The following LPP variants were observed in gnomAD, a reference collection of about 807,000 sequenced individuals.
LPP encodes lipoma-preferred partner.
LPP carries 38 observed loss-of-function variants against 60.4 expected under a neutral mutation model. That is an observed-to-expected ratio of 0.63 (90% CI 0.49 to 0.83). The LOEUF (loss-of-function observed/expected upper bound fraction) is 0.83, where lower values mean the gene tolerates loss of function less well. LPP is among the 40% of genes least tolerant of loss of function. The pLI, the probability that LPP is intolerant of heterozygous loss-of-function variation, is 0.00. For missense variants in LPP, 902 were observed against 783.6 expected (o/e 1.15, Z -1.80); for synonymous variants, 328 against 290.8 (o/e 1.13, Z -1.30).
chr3:188,312,642 T>C (rs1753815617), intron 2 of LPP, among the ~76,000 whole-genome samples: 1 of 152,228 alleles, frequency 6.6e-6, no homozygotes, highest in Admixed American at 6.5e-5. Flanking sequence ...AATGTGAGGT[T>C]AGGATTTATT....
At chr3:188,393,406 C>T (rs919350066) in intron 3 of LPP, among the ~76,000 whole-genome samples, 28 of 152,060 alleles carry the variant, frequency 1.8e-4, no homozygotes, top group African/African-American at 4.1e-4. Flanking sequence ...CTCTTATCCA[C>T]GCCAGTAATG....
chr3:188,450,813 G>A (rs564523841), intron 4 of LPP, among the ~76,000 whole-genome samples: 1 of 152,082 alleles, frequency 6.6e-6, no homozygotes, highest in African/African-American at 2.4e-5. Flanking sequence ...ATACTGTAGA[G>A]TCTTCCAGAG....
Position 188,696,245 on chromosome 3 carries a change from C to T in LPP, c.1114-12022C>T, listed in dbSNP as rs189418651. Among the ~76,000 whole-genome samples, 990 of 152,176 alleles carry T rather than the reference C, an allele frequency of 6.5e-3. 9 individuals carry two copies. The highest frequency in any genetic ancestry group is 0.023 in the African/African-American group (963 of 41,548). On this transcript the variant is annotated intron_variant, in intron 7 of 11. Transcript: ENST00000617246. The stretch of plus-strand genomic sequence containing the variant: ...GTACTCTCTCTCTCTCTCTCTCTGT[C>T]TCTCTTAATCTGTATCATCCATTGA...
intron 5 of LPP, among the ~76,000 whole-genome samples, chr3:188,489,270 A>C (rs1807594596): frequency 6.6e-6 from 1 of 152,146 alleles, no homozygotes; most frequent in South Asian, 2.1e-4. Flanking sequence ...TTTTATGGTA[A>C]ATTATGCTTT....
intron 7 of LPP, among the ~76,000 whole-genome samples, chr3:188,702,723 T>C (rs533705954): frequency 2.0e-5 from 3 of 152,344 alleles, no homozygotes; most frequent in Admixed American, 6.5e-5. Flanking sequence ...TGATTAAGAT[T>C]GATACTTACA....
chr3:188,454,385 G>A (rs2149374751), intron 4 of LPP, among the ~76,000 whole-genome samples: 1 of 152,274 alleles, frequency 6.6e-6, no homozygotes. Context: ...ATTTCTATAG[G>A]TTTTAGGATT....
chr3:188,584,000 C>T lies in LPP; in HGVS notation c.430-25161C>T, dbSNP rs921484475. Among the ~76,000 whole-genome samples the T allele has an allele frequency of 2.0e-5, 3 of 152,232 alleles. No homozygotes were observed. In the South Asian group the frequency reaches 6.2e-4, roughly 32 times the overall value. On this transcript the variant is annotated intron_variant, in intron 6 of 11. Coordinates refer to ENST00000617246, the MANE Select transcript of LPP (RefSeq NM_001375462.1). ...AGCAAAGCAACATTTCTATCCCTGCCCCCTGCTCCCCCATAATCCTACAAA... is the reference window on the plus strand; with the variant it reads ...AGCAAAGCAACATTTCTATCCCTGCTCCCTGCTCCCCCATAATCCTACAAA...
At chr3:188,703,883 G>C (rs185301444) in intron 7 of LPP, among the ~76,000 whole-genome samples, 2 of 152,250 alleles carry the variant, frequency 1.3e-5, no homozygotes, top group African/African-American at 4.8e-5. Flanking sequence ...GATTTATAAA[G>C]GACAGGATCG....
intron 4 of LPP, among the ~76,000 whole-genome samples, chr3:188,462,231 CATT>C (rs966316188): frequency 6.6e-6 from 1 of 150,930 alleles, no homozygotes; most frequent in African/African-American, 2.4e-5. Flanking sequence ...TTAAAATAGA[CATT>C]ATTATTATTA....
intron 2 of LPP, among the ~76,000 whole-genome samples, chr3:188,279,792 G>T (rs779677018): frequency 1.6e-4 from 24 of 152,170 alleles, no homozygotes; most frequent in Non-Finnish European, 7.3e-5. Context: ...AAGTCTAGTT[G>T]TCCTGGCAAC....
intron 9 of LPP, among the ~76,000 whole-genome samples, chr3:188,860,910 A>G (rs1380736541): frequency 6.6e-6 from 1 of 152,208 alleles, no homozygotes; most frequent in Non-Finnish European, 1.5e-5. Flanking sequence ...CTACCGATAT[A>G]CAGATTCCAT....
In LPP at chr3:188,473,784, C is replaced by T. The variant is rs183521913; in HGVS notation, c.194-10808C>T. ...TCTCTTTATACTCTTAAGGGATATACATATACTGGGTAAGGCTTATCAACA... is the reference window on the plus strand; with the variant it reads ...TCTCTTTATACTCTTAAGGGATATATATATACTGGGTAAGGCTTATCAACA... On this transcript the variant is annotated intron_variant, in intron 4 of 11. Coordinates refer to ENST00000617246, the MANE Select transcript of LPP (RefSeq NM_001375462.1). Among the ~76,000 whole-genome samples the T allele has an allele frequency of 7.3e-4, 111 of 152,288 alleles. 1 individual carries two copies. The highest frequency in any genetic ancestry group is 1.1e-3 in the Non-Finnish European group (74 of 68,024).
chr3:188,360,467 C>A (rs1210213855), intron 3 of LPP, among the ~76,000 whole-genome samples: 1 of 152,014 alleles, frequency 6.6e-6, no homozygotes, highest in Non-Finnish European at 1.5e-5. Context: ...TTCTCCCACC[C>A]TCCTCTCTCT....
At chr3:188,211,559 C>A (rs924758917) in intron 1 of LPP, among the ~76,000 whole-genome samples, 3 of 152,072 alleles carry the variant, frequency 2.0e-5, no homozygotes, top group Admixed American at 6.6e-5. Context: ...AGTCTGGAGT[C>A]ATTTTAGATC....
intron 3 of LPP, among the ~76,000 whole-genome samples, chr3:188,401,740 A>T (rs1179528021): frequency 6.6e-6 from 1 of 152,140 alleles, no homozygotes; most frequent in African/African-American, 2.4e-5. Flanking sequence ...ACTCTCAAGG[A>T]TTTGCGAGTT....
chr3:188,870,718 A>G (rs1053104345), intron 10 of LPP, among the ~76,000 whole-genome samples: 35 of 152,272 alleles, frequency 2.3e-4, no homozygotes, highest in African/African-American at 7.9e-4. Flanking sequence ...CTTGAAATAG[A>G]CCACCTGGGA....
At chr3:188,597,411 G>C (rs1292869978) in intron 6 of LPP, among the ~76,000 whole-genome samples, 1 of 152,090 alleles carries the variant, frequency 6.6e-6, no homozygotes, top group African/African-American at 2.4e-5. Context: ...AATGACTTGA[G>C]AGTTTCCTGA....
At position 188,182,815 on chromosome 3, in the gene LPP, A is replaced by T. The variant is rs1050782179; in HGVS notation, c.-190+28563A>T. 6.6e-6 allele frequency among the ~76,000 whole-genome samples: 1 copy of T among 151,388 alleles called. No individual in the cohort carries two copies. The highest frequency in any genetic ancestry group is 1.9e-4 in the East Asian group (1 of 5,168). ...ACATATACAATATATGCACATATAT[A>T]ATATATGTACATATAATATACATAC... is the stretch of plus-strand genomic sequence containing the variant. On this transcript the variant is annotated intron_variant, in intron 1 of 11. Coordinates refer to ENST00000617246, the MANE Select transcript of LPP (RefSeq NM_001375462.1). This position sits in a 1 kb window ranked among gnomAD's most constrained non-coding sequence, Gnocchi z 4.4.
At chr3:188,344,383 G>C (rs2150705977) in intron 3 of LPP, among the ~76,000 whole-genome samples, 1 of 152,236 alleles carries the variant, frequency 6.6e-6, no homozygotes, top group South Asian at 2.1e-4. Flanking sequence ...TTGTTTTTGG[G>C]AGCAAAGCAG....
Sources: allele counts gnomAD v4.1 joint callset (sites outside exome capture counted in the v4.1 genomes callset), GRCh38; gene constraint gnomAD v4.1.1; non-coding constraint Gnocchi (gnomAD v3.1); transcripts MANE v1.5; gene names NCBI Gene and HGNC (gene_info 2026-07-23, HGNC 2026-07-21).